The following ZNF385B variants were observed in gnomAD, a reference collection of about 807,000 sequenced individuals.
ZNF385B encodes zinc finger protein 533.
ZNF385B carries 23 observed loss-of-function variants against 39.2 expected under a neutral mutation model. That is an observed-to-expected ratio of 0.59 (90% CI 0.42 to 0.83). The LOEUF is 0.83. Ranked by LOEUF, ZNF385B falls within the 40% of genes least tolerant of loss-of-function variation. ZNF385B has a pLI of 0.00. For synonymous variants in ZNF385B, 205 were observed against 222.6 expected (o/e 0.92, Z 0.70); for missense variants, 552 against 598.9 (o/e 0.92, Z 0.82).
intron 3 of ZNF385B, among the ~76,000 whole-genome samples, chr2:179,725,018 A>T (rs1009821143): frequency 6.6e-6 from 1 of 152,120 alleles, no homozygotes; most frequent in East Asian, 1.9e-4. Context: ...CTTGAGAAAA[A>T]TTACATAATT....
At chr2:179,445,043 A>G in intron 8 of ZNF385B, 66 bp from the exon 9 acceptor site, 1 of 1,428,378 alleles carries the variant, frequency 7.0e-7, no homozygotes. Context: ...ACGTATTTCT[A>G]GGTAGCTATT....
At chr2:179,822,205 G>A (rs115705923) in intron 1 of ZNF385B, among the ~76,000 whole-genome samples, 1,901 of 152,160 alleles carry the variant, frequency 0.012, 38 homozygotes, top group African/African-American at 0.043. Flanking sequence ...CTTTTTCTTA[G>A]CCTTCCCTTA....
rs1390356107 is a variant in ZNF385B at position 179,766,065 on chromosome 2, C to CACACAG, written c.298+3437_298+3438insCTGTGT. Among the ~76,000 whole-genome samples, 1,412 of 150,884 alleles carry CACACAG rather than the reference C, an allele frequency of 9.4e-3. 29 individuals carry two copies. The highest frequency in any genetic ancestry group is 0.032 in the African/African-American group (1,297 of 41,028). On this transcript the variant is annotated intron_variant, in intron 3 of 9. Coordinates refer to ENST00000410066, the MANE Select transcript of ZNF385B (RefSeq NM_152520.6). ...ACACACACACACACACACACACACA[C>CACACAG]AGCAGACTGGTTTCAGGTACACTCT... is the stretch of plus-strand genomic sequence containing the variant.
intron 3 of ZNF385B, among the ~76,000 whole-genome samples, chr2:179,703,448 T>C (rs533370132): frequency 1.2e-4 from 18 of 152,320 alleles, no homozygotes; most frequent in African/African-American, 4.1e-4. Context: ...CTCTTTAACA[T>C]AGTATATATG....
intron 1 of ZNF385B, among the ~76,000 whole-genome samples, chr2:179,855,827 T>A (rs947748213): frequency 6.6e-6 from 1 of 152,216 alleles, no homozygotes; most frequent in Non-Finnish European, 1.5e-5. Context: ...ACTCTACTGC[T>A]GGCTCCAGGG....
intron 3 of ZNF385B, among the ~76,000 whole-genome samples, chr2:179,651,153 C>T (rs773825445): frequency 1.2e-4 from 18 of 151,214 alleles, no homozygotes; most frequent in South Asian, 6.2e-4. Context: ...TTTTTTTAAC[C>T]ACGTAAGGAA....
chr2:179,589,447 G>A (rs1574917914), intron 3 of ZNF385B, among the ~76,000 whole-genome samples: 1 of 152,158 alleles, frequency 6.6e-6, no homozygotes, highest in Non-Finnish European at 1.5e-5. Context: ...AACAAAAGAA[G>A]TCTCGGAAAA....
intron 3 of ZNF385B, among the ~76,000 whole-genome samples, chr2:179,584,865 G>A (rs1686922315): frequency 6.6e-6 from 1 of 152,312 alleles, no homozygotes; most frequent in Admixed American, 6.5e-5. Context: ...CAGGGAGAGT[G>A]TAGTGTTTGA....
At chr2:179,631,757 G>A (rs1304575291) in intron 3 of ZNF385B, among the ~76,000 whole-genome samples, 1 of 152,130 alleles carries the variant, frequency 6.6e-6, no homozygotes. Context: ...CCATCGGTGT[G>A]CTGTATTCAG....
intron 1 of ZNF385B, among the ~76,000 whole-genome samples, chr2:179,819,145 G>A (rs1391479132): frequency 6.6e-6 from 1 of 151,908 alleles, no homozygotes; most frequent in Non-Finnish European, 1.5e-5. Flanking sequence ...GTATGACTCC[G>A]AGTATCCATT....
chr2:179,556,466 C>T (rs1408154137), intron 3 of ZNF385B, among the ~76,000 whole-genome samples: 1 of 149,600 alleles, frequency 6.7e-6, no homozygotes, highest in African/African-American at 2.5e-5. Flanking sequence ...CTAACAAATG[C>T]TTTCTCAAGT....
At chr2:179,452,442 G>C in intron 6 of ZNF385B, among the ~76,000 whole-genome samples, 2 of 152,068 alleles carry the variant, frequency 1.3e-5, no homozygotes, top group Middle Eastern at 6.8e-3. Flanking sequence ...GCTCTAAAAA[G>C]AAGTTTTAAG....
intron 4 of ZNF385B, among the ~76,000 whole-genome samples, chr2:179,523,716 C>T (rs1025614459): frequency 2.0e-5 from 3 of 152,168 alleles, no homozygotes; most frequent in African/African-American, 4.8e-5. Flanking sequence ...CATCAGGTAA[C>T]ACTGGGATGG....
chr2:179,656,197 G>A (rs932114), intron 3 of ZNF385B, among the ~76,000 whole-genome samples: 151,676 of 152,276 alleles, frequency 1, 75,543 homozygotes, highest in Middle Eastern at 1. Flanking sequence ...GTAAAAAGAT[G>A]CAACAAATAA....
At chr2:179,547,427 T>C (rs942518232) in intron 3 of ZNF385B, among the ~76,000 whole-genome samples, 3 of 149,700 alleles carry the variant, frequency 2.0e-5, no homozygotes, top group African/African-American at 7.5e-5. Flanking sequence ...TTCATTCTTC[T>C]GCATATGGAT....
intron 3 of ZNF385B, among the ~76,000 whole-genome samples, chr2:179,757,483 C>T (rs1412000295): frequency 6.6e-6 from 1 of 152,190 alleles, no homozygotes; most frequent in African/African-American, 2.4e-5. Flanking sequence ...CTAGTCTCTT[C>T]AAAGCTGTCA....
intron 3 of ZNF385B, among the ~76,000 whole-genome samples, chr2:179,579,339 A>T (rs561265348): frequency 6.6e-6 from 1 of 152,196 alleles, no homozygotes; most frequent in South Asian, 2.1e-4. Context: ...ATAAAAACTA[A>T]GAATACCAAA....
At chr2:179,657,612 A>T (rs1035147656) in intron 3 of ZNF385B, among the ~76,000 whole-genome samples, 2 of 152,200 alleles carry the variant, frequency 1.3e-5, no homozygotes, top group African/African-American at 4.8e-5. Flanking sequence ...CACTCATCTT[A>T]CTGGAACATT....
chr2:179,728,772 TA>T (rs141962049), intron 3 of ZNF385B, among the ~76,000 whole-genome samples: 1,655 of 152,070 alleles, frequency 0.011, 36 homozygotes, highest in African/African-American at 0.038. Context: ...GAAGAACGAG[TA>T]ATAGAAATCA....
Sources: allele counts gnomAD v4.1 joint callset (sites outside exome capture counted in the v4.1 genomes callset), GRCh38; gene constraint gnomAD v4.1.1; transcripts MANE v1.5; gene names NCBI Gene and HGNC (gene_info 2026-07-23, HGNC 2026-07-21).